The following NR3C2 variants were observed in gnomAD, a reference collection of about 807,000 sequenced individuals.
NR3C2 encodes the protein nuclear receptor subfamily 3 group C member 2, also known as mineralocorticoid receptor.
Under a neutral mutation model 86.4 loss-of-function variants are expected in NR3C2, and 15 were observed. The ratio of observed to expected loss-of-function variants is 0.17; its 90% confidence interval spans 0.12 to 0.27. NR3C2 has a LOEUF of 0.27. Ranked by LOEUF, NR3C2 falls within the 10% of genes least tolerant of loss-of-function variation. NR3C2 has a pLI of 1.00. For synonymous variants in NR3C2, 458 were observed against 450.5 expected (o/e 1.02, Z -0.21); for missense variants, 960 against 1,195.6 (o/e 0.80, Z 2.91).
At chr4:148,093,115 C>T (rs556547100) in intron 8 of NR3C2, among the ~76,000 whole-genome samples, 1 of 152,186 alleles carries the variant, frequency 6.6e-6, no homozygotes, top group Non-Finnish European at 1.5e-5. Flanking sequence ...TTAGCAGATG[C>T]CCAGCATGAT....
At chr4:148,264,778 A>G (rs2149877149) in intron 2 of NR3C2, among the ~76,000 whole-genome samples, 1 of 152,372 alleles carries the variant, frequency 6.6e-6, no homozygotes, top group African/African-American at 2.4e-5. Context: ...ACTCAAATTA[A>G]AAACAACGTA....
At chr4:148,231,524 T>C (rs1390975980) in intron 3 of NR3C2, among the ~76,000 whole-genome samples, 1 of 152,190 alleles carries the variant, frequency 6.6e-6, no homozygotes, top group East Asian at 1.9e-4. Context: ...TAATTAAAAA[T>C]ACCTTATTTC....
intron 2 of NR3C2, among the ~76,000 whole-genome samples, chr4:148,416,575 G>A (rs572370637): frequency 3.9e-5 from 6 of 152,304 alleles, no homozygotes; most frequent in Non-Finnish European, 8.8e-5. Flanking sequence ...GATAGTGCAT[G>A]CTGCCAAATT....
At chr4:148,124,397 A>ATAGTATTCAACTATACCTGGGCCT (rs1325191982) in intron 6 of NR3C2, among the ~76,000 whole-genome samples, 1 of 152,220 alleles carries the variant, frequency 6.6e-6, no homozygotes, top group Non-Finnish European at 1.5e-5. Context: ...TACTTTGCAG[A>ATAGTATTCAACTATACCTGGGCCT]TAGTATTCAA....
intron 7 of NR3C2, among the ~76,000 whole-genome samples, chr4:148,116,328 G>A (rs770006227): frequency 2.0e-5 from 3 of 152,164 alleles, no homozygotes; most frequent in Non-Finnish European, 4.4e-5. Flanking sequence ...CAGTTTCCCA[G>A]CCAGATTTTT....
At chr4:148,305,486 G>A (rs1189115196) in intron 2 of NR3C2, among the ~76,000 whole-genome samples, 2 of 147,594 alleles carry the variant, frequency 1.4e-5, no homozygotes, top group Admixed American at 1.4e-4. Flanking sequence ...ACAGCACTGT[G>A]TTGCAGAACT....
chr4:148,290,533 C>T lies in NR3C2; in HGVS notation c.1758-30416G>A, dbSNP rs1271608556. On this transcript the variant is annotated intron_variant, in intron 2 of 8. Transcript: ENST00000358102. ...AGCACAGATAACTAATATAATGTAC[C>T]AGGTAAAACCGTTAATCACATTCAC... Among the ~76,000 whole-genome samples, 4 of 152,112 alleles carry T rather than the reference C, an allele frequency of 2.6e-5. No homozygotes were observed. In the East Asian group the frequency reaches 7.7e-4, roughly 29 times the overall value.
intron 7 of NR3C2, among the ~76,000 whole-genome samples, chr4:148,114,584 G>T (rs1312704986): frequency 6.6e-6 from 1 of 152,076 alleles, no homozygotes; most frequent in African/African-American, 2.4e-5. Flanking sequence ...ACTTGCCCAT[G>T]GACACAATAA....
In NR3C2 at chr4:148,162,805, G is replaced by A. The variant is rs1200169491; in HGVS notation, c.2015-7904C>T. On this transcript the variant is annotated intron_variant, in intron 4 of 8. Transcript: ENST00000358102. ...GGTGGGTGGACAGTGGATTGATTAC[G>A]CCTGACAACTCCTACTTGGGCCCTG... Among the ~76,000 whole-genome samples the A allele has an allele frequency of 9.2e-5, 14 of 152,258 alleles. 1 individual carries two copies. The highest frequency in any genetic ancestry group is 7.8e-4 in the Admixed American group (12 of 15,296).
At chr4:148,401,878 T>C (rs910872745) in intron 2 of NR3C2, among the ~76,000 whole-genome samples, 2 of 152,216 alleles carry the variant, frequency 1.3e-5, no homozygotes, top group African/African-American at 2.4e-5. Flanking sequence ...CCTGATGCTC[T>C]TGAGCTTCTA....
rs115455444 is a variant in NR3C2 at position 148,268,044 on chromosome 4, A to T, written c.1758-7927T>A. Among the ~76,000 whole-genome samples the T allele has an allele frequency of 6.9e-3, 1,028 of 149,392 alleles. 7 individuals are homozygous for T. The highest frequency in any genetic ancestry group is 0.024 in the African/African-American group (980 of 40,500). On this transcript the variant is annotated intron_variant, in intron 2 of 8. Coordinates refer to ENST00000358102, the MANE Select transcript of NR3C2 (RefSeq NM_000901.5). ...AACCTCCACCTCCTGAGTTCAAGCG[A>T]TTGTCTTCCTCAGTCTCCTGAGTAG...
At chr4:148,182,223 T>G (rs1735679160) in intron 4 of NR3C2, among the ~76,000 whole-genome samples, 1 of 152,240 alleles carries the variant, frequency 6.6e-6, no homozygotes, top group Admixed American at 6.5e-5. Flanking sequence ...AATTCATGTT[T>G]TTAATTTTAG....
intron 2 of NR3C2, among the ~76,000 whole-genome samples, chr4:148,314,326 T>G (rs1185976991): frequency 6.6e-6 from 1 of 152,178 alleles, no homozygotes; most frequent in Non-Finnish European, 1.5e-5. Context: ...TCTGGTTCTG[T>G]GAAAAACATT....
rs765766670 is a variant in NR3C2 at position 148,436,093 on chromosome 4, A to C, written c.768T>G (p.Asn256Lys). The stretch of plus-strand genomic sequence containing the variant: ...ACGGACTTGAGAGAGGAGAGCCCAC[A>C]TTGCTAGCATGTGCAGGGCTGTGCG... The part of the protein sequence containing the change: ...SRSHSPAHAS[N>K]VGSPLSSPLS... The change falls in exon 2 of 9, where the codon AAT (asparagine) becomes AAG (lysine). Residue 256 changes from asparagine (N) to lysine (K), a missense_variant. Physicochemically the swap from Asn to Lys is moderately conservative, Grantham distance 94. Around this residue, in one of 4 missense-constraint regions of NR3C2, gnomAD observed 680 missense variants for 719.0 expected, o/e 0.95. Coordinates refer to ENST00000358102, the MANE Select transcript of NR3C2 (RefSeq NM_000901.5). 1 of 1,614,118 alleles carries C rather than the reference A, an allele frequency of 6.2e-7. No homozygotes were observed. Among genetic ancestry groups the C allele is most frequent in the Non-Finnish European group, 8.5e-7 (1 of 1,180,010 alleles).
At chr4:148,351,887 C>T (rs1486835939) in intron 2 of NR3C2, among the ~76,000 whole-genome samples, 3 of 152,060 alleles carry the variant, frequency 2.0e-5, no homozygotes, top group African/African-American at 7.2e-5. Context: ...TGCAGTCCCC[C>T]CATTCTGTTC....
At chr4:148,089,639 G>C (rs1730973253) in intron 8 of NR3C2, among the ~76,000 whole-genome samples, 2 of 152,184 alleles carry the variant, frequency 1.3e-5, no homozygotes, top group Admixed American at 1.3e-4. Context: ...TCTATAAAAT[G>C]AGGGATGGGA....
At chr4:148,369,443 C>T (rs1350887062) in intron 2 of NR3C2, among the ~76,000 whole-genome samples, 1 of 152,148 alleles carries the variant, frequency 6.6e-6, no homozygotes, top group African/African-American at 2.4e-5. Context: ...GAAATAAATG[C>T]CCCAAATGGT....
intron 7 of NR3C2, among the ~76,000 whole-genome samples, chr4:148,119,804 C>A (rs1007064729): frequency 3.5e-5 from 5 of 143,478 alleles, no homozygotes; most frequent in South Asian, 4.4e-4. Context: ...AAAAAAAAAT[C>A]TTTGAACTTT....
intron 2 of NR3C2, among the ~76,000 whole-genome samples, chr4:148,299,575 G>A (rs2149919887): frequency 6.6e-6 from 1 of 152,310 alleles, no homozygotes; most frequent in South Asian, 2.1e-4. Context: ...TGGCAGGCTG[G>A]CCAGCATTCT....
Sources: allele counts gnomAD v4.1 joint callset (sites outside exome capture counted in the v4.1 genomes callset), GRCh38; gene constraint gnomAD v4.1.1; regional missense constraint gnomAD v4.1.1; transcripts MANE v1.5; gene names NCBI Gene and HGNC (gene_info 2026-07-23, HGNC 2026-07-21).